The following UNC5D variants were observed in gnomAD, a reference collection of about 807,000 sequenced individuals.
The protein encoded by UNC5D is netrin receptor UNC5D.
A neutral mutation model predicts 105.4 loss-of-function variants in UNC5D; 39 were observed. The observed-to-expected ratio is 0.37, with a 90% CI of 0.29 to 0.48. The LOEUF (loss-of-function observed/expected upper bound fraction) is 0.48. Among genes scored for constraint, UNC5D ranks in the 20% least tolerant of loss-of-function variants. UNC5D has a pLI of 0.98. For missense variants in UNC5D, 991 were observed against 1,202.4 expected (o/e 0.82, Z 2.60); for synonymous variants, 452 against 450.4 (o/e 1.00, Z -0.04).
intron 1 of UNC5D, among the ~76,000 whole-genome samples, chr8:35,314,247 A>G (rs1042555984): frequency 2.0e-5 from 3 of 152,138 alleles, no homozygotes; most frequent in Non-Finnish European, 4.4e-5. Flanking sequence ...ATCTGAGTAT[A>G]TGGGTTCTTT....
chr8:35,700,930 G>A (rs1230626364), intron 7 of UNC5D, among the ~76,000 whole-genome samples: 64 of 152,150 alleles, frequency 4.2e-4, no homozygotes, highest in Non-Finnish European at 5.9e-5. Flanking sequence ...ATAGACTTCA[G>A]AATCAACTCC....
At chr8:35,604,847 G>A (rs896186793) in intron 4 of UNC5D, among the ~76,000 whole-genome samples, 1 of 152,130 alleles carries the variant, frequency 6.6e-6, no homozygotes, top group Non-Finnish European at 1.5e-5. Flanking sequence ...AGTTACTGAG[G>A]CTTGTGCATT....
intron 1 of UNC5D, among the ~76,000 whole-genome samples, chr8:35,446,956 A>C (rs1316595290): frequency 6.6e-6 from 1 of 152,088 alleles, no homozygotes; most frequent in African/African-American, 2.4e-5. Flanking sequence ...GGATATCCAG[A>C]GGTATTGGAG....
chr8:35,606,882 G>C (rs567723346), intron 4 of UNC5D, among the ~76,000 whole-genome samples: 2 of 152,326 alleles, frequency 1.3e-5, no homozygotes, highest in South Asian at 2.1e-4. Context: ...TCAGGACTGA[G>C]ATTGGTAGAG....
At chr8:35,535,559 G>T (rs1814774597) in intron 1 of UNC5D, among the ~76,000 whole-genome samples, 2 of 151,844 alleles carry the variant, frequency 1.3e-5, no homozygotes, top group African/African-American at 4.8e-5. Flanking sequence ...GCAAAGGCAG[G>T]TAGCCTTAAC....
At chr8:35,271,625 T>C (rs1013106142) in intron 1 of UNC5D, among the ~76,000 whole-genome samples, 1 of 140,304 alleles carries the variant, frequency 7.1e-6, no homozygotes, top group African/African-American at 2.6e-5. Flanking sequence ...ATATTACATG[T>C]AACATATATT....
rs534501360 is a variant in UNC5D at position 35,622,828 on chromosome 8, G to A, written c.570+27171G>A. Among the ~76,000 whole-genome samples, 202 of 152,110 alleles carry A rather than the reference G, an allele frequency of 1.3e-3. 1 individual carries two copies. Among genetic ancestry groups the A allele is most frequent in the African/African-American group, 4.7e-3 (196 of 41,484 alleles). Reference sequence around the variant, plus strand: ...TCTTCTCTCTTCCTACAATAATTTGGTCAAACTGTTTACCTATCCTACTTA... The same window carrying A: ...TCTTCTCTCTTCCTACAATAATTTGATCAAACTGTTTACCTATCCTACTTA... On this transcript the variant is annotated intron_variant, in intron 4 of 16. Coordinates refer to ENST00000404895, the MANE Select transcript of UNC5D (RefSeq NM_080872.4).
intron 8 of UNC5D, among the ~76,000 whole-genome samples, chr8:35,712,751 T>C (rs1828034117): frequency 6.6e-6 from 1 of 152,190 alleles, no homozygotes; most frequent in African/African-American, 2.4e-5. Flanking sequence ...TATGGAGACT[T>C]GATTAGGATC....
chr8:35,726,384 T>C lies in UNC5D; in HGVS notation c.1536T>C (p.His512=), dbSNP rs771599789. Residue 512 remains histidine (H), a synonymous_variant, in exon 10 of 17, where the codon CAT becomes CAC. Transcript: ENST00000404895. ...HGKNHSRTFP[H]GNNHSFSTMH... ...AGAATCATTCCAGGACTTTTCCCCA[T>C]GGAAACAACCACAGCTTTAGTACAA... The C allele has an allele frequency of 1.3e-5, 21 of 1,614,104 alleles. No individual in the cohort carries two copies. Among genetic ancestry groups the C allele is most frequent in the Non-Finnish European group, 1.7e-5 (20 of 1,180,006 alleles).
chr8:35,236,005 C>A, intron 1 of UNC5D, 118 bp downstream of exon 1: 2 of 909,068 alleles, frequency 2.2e-6, no homozygotes, highest in East Asian at 3.4e-5. Context: ...CTCGGCGCTC[C>A]AAGCCCAACC....
intron 1 of UNC5D, among the ~76,000 whole-genome samples, chr8:35,297,745 T>A (rs1030146737): frequency 1.3e-5 from 2 of 151,902 alleles, no homozygotes; most frequent in Non-Finnish European, 2.9e-5. Context: ...GTGTGAATTG[T>A]GTTCCCTAAC....
Position 35,568,176 on chromosome 8 carries a change from G to C in UNC5D, c.401G>C (p.Cys134Ser). 1 of 1,614,174 alleles carries C rather than the reference G, an allele frequency of 6.2e-7. No individual in the cohort carries two copies. Among genetic ancestry groups the C allele is most frequent in the Non-Finnish European group, 8.5e-7 (1 of 1,180,032 alleles). Reference sequence around the variant, plus strand: ...TTCCATGGGCCCGAGGACTATTGGTGCCAGTGTGTGGCGTGGAGCCACCTG... The same window carrying C: ...TTCCATGGGCCCGAGGACTATTGGTCCCAGTGTGTGGCGTGGAGCCACCTG... ...EDFHGPEDYWCQCVAWSHLGT... is the reference protein window; with the variant it reads ...EDFHGPEDYWSQCVAWSHLGT... The change falls in exon 3 of 17, where the codon TGC becomes TCC. Residue 134 changes from cysteine to serine, a missense_variant. Cys to Ser is a moderately radical substitution (Grantham distance 112). Transcript: ENST00000404895.
intron 1 of UNC5D, among the ~76,000 whole-genome samples, chr8:35,289,200 T>A (rs1416303638): frequency 6.6e-6 from 1 of 152,026 alleles, no homozygotes; most frequent in Non-Finnish European, 1.5e-5. Flanking sequence ...AAGGGAGCAA[T>A]GATAACCAAC....
chr8:35,709,416 G>C (rs777456750), intron 8 of UNC5D, among the ~76,000 whole-genome samples: 1 of 152,160 alleles, frequency 6.6e-6, no homozygotes, highest in Non-Finnish European at 1.5e-5. Flanking sequence ...GTAGCTGGAC[G>C]TGGTGGCTGA....
At chr8:35,600,600 T>C (rs574419236) in intron 4 of UNC5D, among the ~76,000 whole-genome samples, 1 of 152,338 alleles carries the variant, frequency 6.6e-6, no homozygotes, top group South Asian at 2.1e-4. Context: ...ATGTCTTCTT[T>C]TGAGAAGTGT....
intron 1 of UNC5D, among the ~76,000 whole-genome samples, chr8:35,365,726 AG>A (rs1802081164): frequency 6.6e-6 from 1 of 151,964 alleles, no homozygotes; most frequent in Non-Finnish European, 1.5e-5. Context: ...GAAATGGGGA[AG>A]GGTATCACTG....
chr8:35,254,293 CATT>C (rs1384251928), intron 1 of UNC5D: 1 of 152,130 alleles, frequency 6.6e-6, no homozygotes, highest in Admixed American at 6.5e-5. Context: ...TGACCACTCC[CATT>C]ATATTTGCCC....
At chr8:35,419,682 G>C (rs1805763846) in intron 1 of UNC5D, among the ~76,000 whole-genome samples, 1 of 152,156 alleles carries the variant, frequency 6.6e-6, no homozygotes, top group Non-Finnish European at 1.5e-5. Flanking sequence ...ACCTGCAGTA[G>C]GACAAACAGG....
At chr8:35,523,581 T>C in intron 1 of UNC5D, among the ~76,000 whole-genome samples, 1 of 131,604 alleles carries the variant, frequency 7.6e-6, no homozygotes, top group East Asian at 2.0e-4. Context: ...ATGTGCTCTT[T>C]TTTTTTTTTT....
Sources: allele counts gnomAD v4.1 joint callset (sites outside exome capture counted in the v4.1 genomes callset), GRCh38; gene constraint gnomAD v4.1.1; transcripts MANE v1.5; gene names NCBI Gene and HGNC (gene_info 2026-07-23, HGNC 2026-07-21).